IFT70A: variants seen among roughly 807,000 people sequenced by gnomAD.
IFT70A encodes intraflagellar transport 70A.
the IFT70A span, chr2:177,618,178 G>C: frequency 1.9e-5 from 30 of 1,614,140 alleles, no homozygotes; most frequent in Admixed American, 3.3e-5. Flanking sequence ...AGAAAACTTG[G>C]AGCATGCAGC....
chr2:177,618,098 G>A, the IFT70A span: 5 of 1,614,202 alleles, frequency 3.1e-6, no homozygotes, highest in Admixed American at 1.7e-5. Flanking sequence ...GCATACTGTC[G>A]GCTGCTGTAA....
At chr2:177,618,628 G>T in the IFT70A span, 6 of 1,609,708 alleles carry the variant, frequency 3.7e-6, no homozygotes, top group Admixed American at 6.7e-5. Flanking sequence ...GGCGTAGCGG[G>T]CATCGCGGAT....
the IFT70A span, chr2:177,613,567 T>C: frequency 6.6e-6 from 1 of 152,240 alleles, no homozygotes; most frequent in Non-Finnish European, 1.5e-5. Flanking sequence ...AACTAACCAG[T>C]AATTTACTGT....
At chr2:177,616,772 T>C in the IFT70A span, 1 of 1,582,494 alleles carries the variant, frequency 6.3e-7, no homozygotes, top group Admixed American at 1.9e-5. Flanking sequence ...GTGACTGTAT[T>C]CTTCCCAACA....
the IFT70A span, chr2:177,617,912 G>C: frequency 2.5e-6 from 4 of 1,614,214 alleles, no homozygotes; most frequent in Non-Finnish European, 3.4e-6. Flanking sequence ...TAGTTTCTCA[G>C]TTGGTATTCT....
the IFT70A span, chr2:177,616,154 G>A: frequency 6.6e-6 from 1 of 152,338 alleles, no homozygotes; most frequent in East Asian, 1.9e-4. Flanking sequence ...AGGGCTTAGA[G>A]GTCTAAACTA....
chr2:177,614,537 CA>C, the IFT70A span: 2 of 152,082 alleles, frequency 1.3e-5, no homozygotes, highest in Admixed American at 1.3e-4. Context: ...CACTTTTTAT[CA>C]ATATATGTTA....
chr2:177,617,751 G>C, the IFT70A span: 1 of 1,614,214 alleles, frequency 6.2e-7, no homozygotes, highest in South Asian at 1.1e-5. Context: ...CTGGAGGAAA[G>C]GGATTCTGTT....
chr2:177,617,433 G>C, the IFT70A span: 1 of 1,609,086 alleles, frequency 6.2e-7, no homozygotes, highest in Non-Finnish European at 8.5e-7. Context: ...ACACAGGAAT[G>C]TATTTCTCCA....
At chr2:177,617,851 T>A in the IFT70A span, 1 of 1,614,230 alleles carries the variant, frequency 6.2e-7, no homozygotes, top group Non-Finnish European at 8.5e-7. Flanking sequence ...AGGGTCCAAC[T>A]CTTCCTCTGC....
the IFT70A span, chr2:177,618,706 A>G: frequency 2.0e-5 from 31 of 1,556,472 alleles, no homozygotes; most frequent in African/African-American, 3.9e-4. Context: ...AGCCATAACC[A>G]CCACGGCTGT....
At chr2:177,617,147 C>G in the IFT70A span, 1 of 1,605,874 alleles carries the variant, frequency 6.2e-7, no homozygotes, top group Non-Finnish European at 8.5e-7. Flanking sequence ...CTCATCAACT[C>G]CTCTGCTTCT....
the IFT70A span, chr2:177,614,843 A>T: frequency 6.6e-6 from 1 of 152,202 alleles, no homozygotes; most frequent in Admixed American, 6.5e-5. Context: ...CCCTTTGAAG[A>T]CAGGGGGAGA....
the IFT70A span, chr2:177,618,652 A>G: frequency 6.2e-7 from 1 of 1,606,748 alleles, no homozygotes; most frequent in Non-Finnish European, 8.5e-7. Context: ...CCGGTACACT[A>G]GCGCGGTAAA....
At chr2:177,617,248 A>G in the IFT70A span, 2 of 1,585,166 alleles carry the variant, frequency 1.3e-6, no homozygotes, top group Non-Finnish European at 1.7e-6. Context: ...CTTCTTGACT[A>G]TGGGTTCATA....
chr2:177,618,698 C>A, the IFT70A span: 1 of 1,569,428 alleles, frequency 6.4e-7, no homozygotes, highest in South Asian at 1.2e-5. Context: ...CTCAGACCAG[C>A]CATAACCACC....
chr2:177,618,707 C>G, the IFT70A span: 2 of 1,556,884 alleles, frequency 1.3e-6, no homozygotes, highest in Non-Finnish European at 1.7e-6. Flanking sequence ...GCCATAACCA[C>G]CACGGCTGTT....
chr2:177,615,112 G>A, the IFT70A span: 1 of 152,198 alleles, frequency 6.6e-6, no homozygotes. Context: ...GAGATCCAAG[G>A]TGGATTGTGA....
chr2:177,616,834 C>G, the IFT70A span: 1 of 1,599,028 alleles, frequency 6.3e-7, no homozygotes, highest in South Asian at 1.1e-5. Flanking sequence ...TATGTTTGTG[C>G]CATAAAGTTC....
Sources: gnomAD v4.1 joint callset for allele counts on GRCh38, gnomAD v4.1.1 for gene constraint, MANE v1.5 for transcripts, NCBI Gene and HGNC (gene_info 2026-07-23, HGNC 2026-07-21) for gene names.